The following USH2A variants were observed in gnomAD, a reference collection of about 807,000 sequenced individuals.
USH2A encodes the protein usherin.
A neutral mutation model predicts 538.9 loss-of-function variants in USH2A; 443 were observed. The ratio of observed to expected loss-of-function variants is 0.82; its 90% CI spans 0.76 to 0.89. The LOEUF is 0.89. Ranked by LOEUF, USH2A falls within the 40% of genes least tolerant of loss-of-function variation. The pLI is 0.00. For synonymous variants in USH2A, 2,413 were observed against 2,273.5 expected, an observed-to-expected ratio of 1.06 and a Z score of -1.75; for missense variants, 6,633 against 6,324.8, an observed-to-expected ratio of 1.05 and a Z score of -1.65.
chr1:216,185,711 C>T (rs145272354), intron 20 of USH2A, among the ~76,000 whole-genome samples: 568 of 151,980 alleles, frequency 3.7e-3, no homozygotes, highest in Non-Finnish European at 5.6e-3. Flanking sequence ...TATTACTCTC[C>T]TATAGCAAAA....
intron 44 of USH2A, among the ~76,000 whole-genome samples, chr1:215,862,252 A>G (rs915383656): frequency 3.3e-5 from 5 of 152,312 alleles, no homozygotes; most frequent in Admixed American, 1.3e-4. Context: ...AAATGCTTTT[A>G]TCTCCTTTGT....
chr1:216,067,735 C>G (rs1329737821), intron 30 of USH2A, among the ~76,000 whole-genome samples: 1 of 151,944 alleles, frequency 6.6e-6, no homozygotes, highest in Non-Finnish European at 1.5e-5. Flanking sequence ...GCAGGAGAAG[C>G]AAGAGTTGAG....
At chr1:215,685,036 T>C (rs1318144018) in intron 61 of USH2A, among the ~76,000 whole-genome samples, 1 of 152,110 alleles carries the variant, frequency 6.6e-6, no homozygotes, top group East Asian at 1.9e-4. Context: ...ACCTGAGACC[T>C]AGAGTTTCTG....
intron 21 of USH2A, among the ~76,000 whole-genome samples, chr1:216,168,714 C>T (rs910936940): frequency 6.6e-6 from 1 of 152,104 alleles, no homozygotes; most frequent in Non-Finnish European, 1.5e-5. Flanking sequence ...CTGGGGATAA[C>T]ATCACTGTTG....
rs139252687 is a variant in USH2A at position 216,295,663 on chromosome 1, G to A, written c.1645-3293C>T. ...TCATTTTTCTCACTCTCCATTTGCT[G>A]TGAAATACTTAATGTGACTTCCCTA... On this transcript the variant is annotated intron_variant, in intron 9 of 71. Transcript: ENST00000307340. Among the ~76,000 whole-genome samples, 491 of 151,988 alleles carry A rather than the reference G, an allele frequency of 3.2e-3. 3 individuals are homozygous for A. Among genetic ancestry groups the A allele is most frequent in the African/African-American group, 0.011 (476 of 41,548 alleles).
At chr1:216,291,358 C>T (rs2036997949) in intron 10 of USH2A, among the ~76,000 whole-genome samples, 1 of 152,172 alleles carries the variant, frequency 6.6e-6, no homozygotes, top group African/African-American at 2.4e-5. Flanking sequence ...TGGTTAACTC[C>T]TACTGTCCTT....
In USH2A at chr1:215,704,095, G is replaced by A. The variant is rs180945509; in HGVS notation, c.12067-23719C>T. 9.1e-3 allele frequency among the ~76,000 whole-genome samples: 1,388 copies of A among 152,244 alleles called. 14 individuals carry two copies. The highest frequency in any genetic ancestry group is 0.017 in the Middle Eastern group (5 of 294). On this transcript the variant is annotated intron_variant, in intron 61 of 71. Coordinates refer to ENST00000307340, the MANE Select transcript of USH2A (RefSeq NM_206933.4). ...AGTTCCCCGACCCCTTGCACTTCCC[G>A]GGTGAGGCGACGCCCCACCCTGCTT... is the stretch of plus-strand genomic sequence containing the variant.
chr1:216,040,318 T>C (rs1571909932), intron 32 of USH2A, among the ~76,000 whole-genome samples: 1 of 151,990 alleles, frequency 6.6e-6, no homozygotes, highest in Non-Finnish European at 1.5e-5. Flanking sequence ...ATGTCCCTAT[T>C]AACCTTTCCT....
At chr1:216,300,873 C>T (rs1365639012) in intron 9 of USH2A, among the ~76,000 whole-genome samples, 3 of 151,746 alleles carry the variant, frequency 2.0e-5, no homozygotes, top group South Asian at 2.1e-4. Flanking sequence ...CTCAGCCTCC[C>T]GAGTATCTGG....
At chr1:216,186,153 T>C (rs935481795) in intron 20 of USH2A, among the ~76,000 whole-genome samples, 7 of 151,510 alleles carry the variant, frequency 4.6e-5, no homozygotes, top group Non-Finnish European at 8.9e-5. Context: ...AAGGATTTTA[T>C]ATGGAAACAA....
chr1:215,772,714 A>G (rs1661327166), intron 55 of USH2A, among the ~76,000 whole-genome samples: 1 of 152,238 alleles, frequency 6.6e-6, no homozygotes, highest in Admixed American at 6.5e-5. Flanking sequence ...AAGGCACTTT[A>G]GCCATTATAA....
At position 215,804,611 on chromosome 1, in the gene USH2A, G is replaced by A. The variant is rs74573400; in HGVS notation, c.9740-5486C>T. Among the ~76,000 whole-genome samples the A allele has an allele frequency of 6.8e-3, 897 of 130,976 alleles. 6 individuals are homozygous for A. The highest frequency in any genetic ancestry group is 0.013 in the East Asian group (52 of 3,960). The allele number at this position is 130,976 out of a possible 152,430, so 85.9% of individuals were successfully genotyped here. A position where few individuals can be genotyped will look rare whatever the true frequency, so the allele number is the denominator to read the frequency against. ...ACTATCTCACACCAGTTAGAATGGC[G>A]ATCATTAAAAAGTCAGGAAACAACA... On this transcript the variant is annotated intron_variant, in intron 49 of 71. Coordinates refer to ENST00000307340, the MANE Select transcript of USH2A (RefSeq NM_206933.4).
intron 30 of USH2A, among the ~76,000 whole-genome samples, chr1:216,066,493 A>T (rs1333109148): frequency 1.3e-5 from 2 of 151,774 alleles, no homozygotes; most frequent in Non-Finnish European, 2.9e-5. Context: ...AATAATAATA[A>T]TTGCTATCCA....
intron 4 of USH2A, among the ~76,000 whole-genome samples, chr1:216,328,460 T>C (rs2037780553): frequency 6.6e-6 from 1 of 152,166 alleles, no homozygotes; most frequent in Non-Finnish European, 1.5e-5. Flanking sequence ...TTTTTTGTTA[T>C]ATTTTTAATA....
intron 53 of USH2A, 23 bp from the exon 54 acceptor site, chr1:215,782,219 T>C: frequency 6.2e-7 from 1 of 1,611,742 alleles, no homozygotes; most frequent in Non-Finnish European, 8.5e-7. Flanking sequence ...GAAAAATGAC[T>C]GCATTTGAAT....
At chr1:215,930,467 G>A (rs1227200218) in intron 38 of USH2A, among the ~76,000 whole-genome samples, 1 of 151,940 alleles carries the variant, frequency 6.6e-6, no homozygotes, top group Admixed American at 6.6e-5. Context: ...ACTCTATAAT[G>A]CCTTTGTTCT....
chr1:216,396,339 T>G (rs922169391), intron 3 of USH2A, among the ~76,000 whole-genome samples: 2 of 152,198 alleles, frequency 1.3e-5, no homozygotes, highest in African/African-American at 2.4e-5. Context: ...TGCTTGAAAT[T>G]ATCTAAACTG....
At chr1:216,310,586 A>G (rs1241076022) in intron 9 of USH2A, among the ~76,000 whole-genome samples, 2 of 152,054 alleles carry the variant, frequency 1.3e-5, no homozygotes, top group Non-Finnish European at 2.9e-5. Context: ...CTTCAAGCTC[A>G]CTGATTCTTT....
At chr1:216,295,791 T>G (rs1367108174) in intron 9 of USH2A, among the ~76,000 whole-genome samples, 1 of 152,064 alleles carries the variant, frequency 6.6e-6, no homozygotes, top group Admixed American at 6.5e-5. Context: ...GGTCCTTTGC[T>G]CTTTGTTTTA....
Sources: allele counts gnomAD v4.1 joint callset (sites outside exome capture counted in the v4.1 genomes callset), GRCh38; gene constraint gnomAD v4.1.1; transcripts MANE v1.5; gene names NCBI Gene and HGNC (gene_info 2026-07-23, HGNC 2026-07-21).